SH3GL3: variants seen among roughly 807,000 people sequenced by gnomAD.
SH3GL3 encodes the protein SH3 domain containing GRB2 like 3, endophilin A3.
SH3GL3 carries 33 observed loss-of-function variants against 47.7 expected under a neutral mutation model. The observed-to-expected ratio is 0.69, with a 90% CI of 0.52 to 0.92. The LOEUF is 0.92. SH3GL3 is among the 40% of genes least tolerant of loss of function. The probability of loss-of-function intolerance (pLI) is 0.00; values close to 1 mark genes in which losing one functional copy is unlikely to be tolerated. For synonymous variants in SH3GL3, 155 were observed against 148.8 expected (o/e 1.04, Z -0.30); for missense variants, 363 against 417.8 (o/e 0.87, Z 1.14).
At chr15:83,571,688 G>A (rs2045823847) in intron 4 of SH3GL3, among the ~76,000 whole-genome samples, 1 of 152,044 alleles carries the variant, frequency 6.6e-6, no homozygotes, top group African/African-American at 2.4e-5. Context: ...TCAGACTTAG[G>A]CTGGGCTTTA....
chr15:83,538,843 A>G (rs2044033419), intron 1 of SH3GL3, among the ~76,000 whole-genome samples: 1 of 152,142 alleles, frequency 6.6e-6, no homozygotes, highest in South Asian at 2.1e-4. Flanking sequence ...TGGTGCACAT[A>G]TGTAGGAATT....
intron 8 of SH3GL3, among the ~76,000 whole-genome samples, chr15:83,607,191 T>A (rs919579060): frequency 1.3e-5 from 2 of 152,230 alleles, no homozygotes; most frequent in African/African-American, 4.8e-5. Flanking sequence ...TTTCAAATCT[T>A]AACATATACT....
intron 1 of SH3GL3, among the ~76,000 whole-genome samples, chr15:83,484,939 A>C (rs978791070): frequency 6.6e-6 from 1 of 152,198 alleles, no homozygotes; most frequent in African/African-American, 2.4e-5. Context: ...TAAAGTCACA[A>C]GTGTTTAAAT....
At chr15:83,559,445 C>A in intron 2 of SH3GL3, 124 bp downstream of exon 2, 1 of 664,550 alleles carries the variant, frequency 1.5e-6, no homozygotes, top group Non-Finnish European at 2.7e-6. Flanking sequence ...GTGGATTATG[C>A]AATCTACAAG....
At chr15:83,591,215 C>A (rs760866571) in intron 8 of SH3GL3, among the ~76,000 whole-genome samples, 9 of 152,090 alleles carry the variant, frequency 5.9e-5, no homozygotes, top group Admixed American at 4.6e-4. Flanking sequence ...ACTGTGTTGG[C>A]CAGGCTGGTC....
downstream of SH3GL3, among the ~76,000 whole-genome samples, chr15:83,621,274 A>G (rs2060914932): frequency 6.6e-6 from 1 of 152,246 alleles, no homozygotes; most frequent in African/African-American, 2.4e-5. Flanking sequence ...CTGGCTTTCA[A>G]TAAGCCTCCC....
chr15:83,557,950 A>G (rs113265068), intron 1 of SH3GL3, among the ~76,000 whole-genome samples: 4,140 of 152,260 alleles, frequency 0.027, 96 homozygotes, highest in Non-Finnish European at 0.04. Flanking sequence ...TCCTTCTCAC[A>G]CTTCGAATTT....
intron 1 of SH3GL3, among the ~76,000 whole-genome samples, chr15:83,519,945 G>C (rs1425266288): frequency 6.6e-6 from 1 of 152,134 alleles, no homozygotes; most frequent in Non-Finnish European, 1.5e-5. Flanking sequence ...TGCCTTACTT[G>C]CAAGCTAACA....
chr15:83,607,882 A>C (rs969991840), intron 8 of SH3GL3, among the ~76,000 whole-genome samples: 1 of 119,988 alleles, frequency 8.3e-6, no homozygotes, highest in African/African-American at 2.8e-5. Flanking sequence ...ATAATAATAC[A>C]AACAACAACA....
At chr15:83,540,025 T>G (rs1162188664) in intron 1 of SH3GL3, among the ~76,000 whole-genome samples, 4 of 152,194 alleles carry the variant, frequency 2.6e-5, no homozygotes, top group African/African-American at 9.6e-5. Context: ...AGGTTATATC[T>G]ATATATTTGC....
At chr15:83,610,750 C>G (rs2151843992) in intron 8 of SH3GL3, among the ~76,000 whole-genome samples, 1 of 152,178 alleles carries the variant, frequency 6.6e-6, no homozygotes, top group South Asian at 2.1e-4. Context: ...GGTACCTACT[C>G]ATAGGATTTC....
At position 83,618,447 on chromosome 15, in the gene SH3GL3, T is replaced by A; in HGVS notation, c.*160T>A. 1 of 584,834 alleles carries A rather than the reference T, an allele frequency of 1.7e-6. No individual in the cohort carries two copies. The highest frequency in any genetic ancestry group is 1.9e-5 in the African/African-American group (1 of 52,668). The allele number at this position is 584,834 out of a possible 1,614,324, so 36.2% of individuals were successfully genotyped here. On this transcript the variant is annotated 3_prime_UTR_variant, in exon 9 of 9. Transcript: ENST00000427482. ...ATGTATTTTATATCACTTTAATTTGTATAAATGATTTTCTTGTCCTTGCTA... is the reference window on the plus strand; with the variant it reads ...ATGTATTTTATATCACTTTAATTTGAATAAATGATTTTCTTGTCCTTGCTA...
At chr15:83,576,522 AT>A in intron 5 of SH3GL3, 60 bp from the exon 6 acceptor site, 2 of 1,455,106 alleles carry the variant, frequency 1.4e-6, no homozygotes, top group South Asian at 1.4e-5. Flanking sequence ...AATAGAAATA[AT>A]TTTTTGTGCC....
intron 1 of SH3GL3, among the ~76,000 whole-genome samples, chr15:83,484,717 T>C (rs903363088): frequency 2.6e-5 from 4 of 152,228 alleles, no homozygotes; most frequent in Non-Finnish European, 4.4e-5. Context: ...AATCCTGTTA[T>C]GAATTATGCA....
At chr15:83,554,567 T>C (rs1459687515) in intron 1 of SH3GL3, among the ~76,000 whole-genome samples, 1 of 152,180 alleles carries the variant, frequency 6.6e-6, no homozygotes, top group East Asian at 1.9e-4. Flanking sequence ...TTTGTATTTT[T>C]AGTAGAGACA....
At chr15:83,511,220 A>G (rs1162677137) in intron 1 of SH3GL3, among the ~76,000 whole-genome samples, 1 of 152,114 alleles carries the variant, frequency 6.6e-6, no homozygotes, top group East Asian at 1.9e-4. Context: ...GACCCCCATG[A>G]TGGTGCCTTA....
intron 1 of SH3GL3, among the ~76,000 whole-genome samples, chr15:83,476,202 A>G (rs1325173154): frequency 6.6e-6 from 1 of 152,220 alleles, no homozygotes; most frequent in African/African-American, 2.4e-5. Flanking sequence ...GGCAAGGTCA[A>G]GTAAAATTTG....
At chr15:83,538,102 A>G (rs921383889) in intron 1 of SH3GL3, among the ~76,000 whole-genome samples, 1 of 152,178 alleles carries the variant, frequency 6.6e-6, no homozygotes, top group South Asian at 2.1e-4. Context: ...TACAGTCACA[A>G]TGTAATAGCC....
At position 83,577,619 on chromosome 15, in the gene SH3GL3, T is replaced by C. The variant is rs1336586691; in HGVS notation, c.624+878T>C. 3.3e-5 allele frequency among the ~76,000 whole-genome samples: 5 copies of C among 151,960 alleles called. No homozygotes were observed. The East Asian group carries it at 7.9e-4, about 24-fold the overall frequency. The stretch of plus-strand genomic sequence containing the variant: ...GTTGCCCAGGCTGATCATGAACCCT[T>C]GGGCTCAAGCCACCTACCCGACTCA... On this transcript the variant is annotated intron_variant, in intron 6 of 8. Transcript: ENST00000427482.
Sources: allele counts gnomAD v4.1 joint callset (sites outside exome capture counted in the v4.1 genomes callset), GRCh38; gene constraint gnomAD v4.1.1; transcripts MANE v1.5; gene names NCBI Gene and HGNC (gene_info 2026-07-23, HGNC 2026-07-21).